Variants in ATRNL1 observed in about 807,000 individuals in gnomAD.
The protein encoded by ATRNL1 is attractin like 1.
ATRNL1 carries 95 observed loss-of-function variants against 182.7 expected under a neutral mutation model. The observed-to-expected ratio is 0.52, with a 90% CI of 0.44 to 0.62. ATRNL1 has a LOEUF of 0.62. Among genes scored for constraint, ATRNL1 ranks in the 20% least tolerant of loss-of-function variants. ATRNL1 has a pLI of 0.00. For synonymous variants in ATRNL1, 576 were observed against 568.3 expected (o/e 1.01, Z -0.19); for missense variants, 1,471 against 1,679.5 (o/e 0.88, Z 2.17).
At chr10:115,415,087 A>G (rs1052291252) in intron 20 of ATRNL1, among the ~76,000 whole-genome samples, 15 of 152,050 alleles carry the variant, frequency 9.9e-5, no homozygotes, top group Non-Finnish European at 1.5e-5. Flanking sequence ...CGAAGAATAC[A>G]TGCATATGTA....
intron 28 of ATRNL1, among the ~76,000 whole-genome samples, chr10:115,871,606 A>G (rs1951588120): frequency 6.6e-6 from 1 of 151,818 alleles, no homozygotes; most frequent in Middle Eastern, 3.2e-3. Flanking sequence ...TACTCAAAGA[A>G]GCAGGAACTG....
intron 19 of ATRNL1, among the ~76,000 whole-genome samples, chr10:115,374,200 A>G (rs1857539023): frequency 6.6e-6 from 1 of 151,634 alleles, no homozygotes. Context: ...ATTAGTTGTA[A>G]CACTTCTTTA....
At chr10:115,284,254 G>T (rs1413585704) in intron 14 of ATRNL1, among the ~76,000 whole-genome samples, 2 of 152,068 alleles carry the variant, frequency 1.3e-5, no homozygotes, top group Non-Finnish European at 2.9e-5. Flanking sequence ...AAAGGCCCAT[G>T]CATTTGTTTT....
chr10:115,211,846 G>A (rs1216631847), intron 8 of ATRNL1, among the ~76,000 whole-genome samples: 2 of 148,546 alleles, frequency 1.3e-5, no homozygotes, highest in Non-Finnish European at 3.0e-5. Flanking sequence ...CCACCTATGA[G>A]TTTAAAAACT....
chr10:115,155,689 A>T (rs1554881880), intron 5 of ATRNL1, among the ~76,000 whole-genome samples: 1 of 152,162 alleles, frequency 6.6e-6, no homozygotes, highest in African/African-American at 2.4e-5. Flanking sequence ...GGCTATGTTA[A>T]GTACTTTTCA....
chr10:115,128,947 C>T (rs1169114041), intron 4 of ATRNL1, among the ~76,000 whole-genome samples: 2 of 151,674 alleles, frequency 1.3e-5, no homozygotes, highest in Non-Finnish European at 1.5e-5. Context: ...ATCTTGACTT[C>T]TCATATAGTT....
At chr10:115,607,537 TAG>T (rs1555017925) in intron 26 of ATRNL1, among the ~76,000 whole-genome samples, 4 of 151,854 alleles carry the variant, frequency 2.6e-5, no homozygotes, top group Non-Finnish European at 2.9e-5. Flanking sequence ...TTCTATATGG[TAG>T]AGACTTTAGG....
intron 20 of ATRNL1, among the ~76,000 whole-genome samples, chr10:115,418,057 C>T (rs1845480569): frequency 6.6e-6 from 1 of 152,144 alleles, no homozygotes; most frequent in Non-Finnish European, 1.5e-5. Context: ...CTGATCTCAC[C>T]AAACAGACAA....
At chr10:115,348,244 A>G (rs1481425673) in intron 19 of ATRNL1, among the ~76,000 whole-genome samples, 3 of 152,200 alleles carry the variant, frequency 2.0e-5, no homozygotes, top group Non-Finnish European at 4.4e-5. Context: ...AAGTGCTGGA[A>G]TTACAGGCAT....
chr10:115,323,056 T>C (rs1554931985), intron 18 of ATRNL1, among the ~76,000 whole-genome samples: 1 of 152,088 alleles, frequency 6.6e-6, no homozygotes, highest in African/African-American at 2.4e-5. Flanking sequence ...AATGATGTTT[T>C]CAAATAATTT....
chr10:115,349,524 G>T (rs549857641), intron 19 of ATRNL1, among the ~76,000 whole-genome samples: 1 of 152,112 alleles, frequency 6.6e-6, no homozygotes, highest in Non-Finnish European at 1.5e-5. Flanking sequence ...GTGTTTTGAG[G>T]AACTTCCATA....
At chr10:115,792,349 A>G (rs1211106769) in intron 27 of ATRNL1, among the ~76,000 whole-genome samples, 1 of 152,114 alleles carries the variant, frequency 6.6e-6, no homozygotes, top group African/African-American at 2.4e-5. Context: ...AACTAGATGT[A>G]TCATTCAGCT....
At chr10:115,722,897 A>G (rs1947474471) in intron 26 of ATRNL1, among the ~76,000 whole-genome samples, 1 of 152,210 alleles carries the variant, frequency 6.6e-6, no homozygotes. Context: ...AGGAGAAGAC[A>G]TAAATTCTAG....
intron 3 of ATRNL1, among the ~76,000 whole-genome samples, chr10:115,125,274 AT>A (rs1844916469): frequency 6.6e-6 from 1 of 152,116 alleles, no homozygotes; most frequent in Non-Finnish European, 1.5e-5. Context: ...TAATATTGTA[AT>A]TTTACAAATG....
chr10:115,252,988 G>C (rs782403999), intron 10 of ATRNL1, among the ~76,000 whole-genome samples: 1 of 152,124 alleles, frequency 6.6e-6, no homozygotes, highest in Non-Finnish European at 1.5e-5. Flanking sequence ...CCAATGATGA[G>C]TTTTTCATTG....
chr10:115,171,556 G>T (rs1554885626), intron 8 of ATRNL1, among the ~76,000 whole-genome samples: 1 of 151,918 alleles, frequency 6.6e-6, no homozygotes, highest in Non-Finnish European at 1.5e-5. Context: ...AAAAATATGT[G>T]AAATTCCAGT....
At chr10:115,516,833 C>T (rs1457974628) in intron 24 of ATRNL1, among the ~76,000 whole-genome samples, 1 of 151,840 alleles carries the variant, frequency 6.6e-6, no homozygotes, top group Non-Finnish European at 1.5e-5. Context: ...ATATATCACC[C>T]CTTTAGTGAG....
At position 115,610,486 on chromosome 10, in the gene ATRNL1, A is replaced by G. The variant is rs995363020; in HGVS notation, c.3795+60950A>G. Among the ~76,000 whole-genome samples, 8 of 152,202 alleles carry G rather than the reference A, an allele frequency of 5.3e-5. No individual in the cohort carries two copies. The South Asian group carries it at 1.7e-3, about 31-fold the overall frequency. ...TCATTTCTTGCTTGCACACTCCCCA[A>G]AATGGTACTTGCAGCTATTTATCAT... On this transcript the variant is annotated intron_variant, in intron 26 of 28. Transcript: ENST00000355044.
rs1280421076 is a variant in ATRNL1, at chr10:115,534,613, C to G, written c.3717-14845C>G. On this transcript the variant is annotated intron_variant, in intron 25 of 28. Transcript: ENST00000355044. ...AGCATTTAGTCCATTTACATTTAAA[C>G]TTAATATTGTTATGTGTGAATTTGA... 3.9e-5 allele frequency among the ~76,000 whole-genome samples: 6 copies of G among 152,194 alleles called. No homozygotes were observed. In the East Asian group the frequency reaches 5.8e-4, roughly 15 times the overall value.
Sources: allele counts gnomAD v4.1 joint callset (sites outside exome capture counted in the v4.1 genomes callset), GRCh38; gene constraint gnomAD v4.1.1; transcripts MANE v1.5; gene names NCBI Gene and HGNC (gene_info 2026-07-23, HGNC 2026-07-21).